The following PRKN variants were observed in gnomAD, a reference collection of about 807,000 sequenced individuals.
PRKN encodes the protein parkin RBR E3 ubiquitin protein ligase, also known as E3 ubiquitin-protein ligase parkin.
A neutral mutation model predicts 59.5 loss-of-function variants in PRKN; 56 were observed. That is an observed-to-expected ratio of 0.94 (90% CI 0.76 to 1.18). PRKN has a LOEUF of 1.18. Ranked by LOEUF, PRKN falls within the 50% of genes most tolerant of loss-of-function variation. PRKN has a pLI of 0.00. For synonymous variants in PRKN, 250 were observed against 222.1 expected (o/e 1.13, Z -1.12); for missense variants, 657 against 596.4 (o/e 1.10, Z -1.06).
At chr6:161,950,373 T>C (rs1470111196) in intron 6 of PRKN, among the ~76,000 whole-genome samples, 1 of 152,086 alleles carries the variant, frequency 6.6e-6, no homozygotes, top group Non-Finnish European at 1.5e-5. Context: ...GACGAAATCC[T>C]GTCTCTACAA....
At chr6:162,035,175 A>G (rs1439350636) in intron 5 of PRKN, among the ~76,000 whole-genome samples, 1 of 151,900 alleles carries the variant, frequency 6.6e-6, no homozygotes. Flanking sequence ...ATATATATAT[A>G]TATAGAGAGA....
chr6:161,947,175 C>A (rs1317920385), intron 6 of PRKN, among the ~76,000 whole-genome samples: 1 of 151,462 alleles, frequency 6.6e-6, no homozygotes, highest in Non-Finnish European at 1.5e-5. Flanking sequence ...ATGTACATAC[C>A]TTTATAGATA....
intron 6 of PRKN, among the ~76,000 whole-genome samples, chr6:161,789,163 A>G (rs1790541795): frequency 6.6e-6 from 1 of 152,214 alleles, no homozygotes; most frequent in Admixed American, 6.5e-5. Flanking sequence ...CATGACACCA[A>G]TAAAAAGTTA....
chr6:161,986,451 ACTCTGTTCT>A (rs1781438861), intron 5 of PRKN, among the ~76,000 whole-genome samples: 1 of 148,146 alleles, frequency 6.8e-6, no homozygotes, highest in South Asian at 2.1e-4. Flanking sequence ...TAAGTAATTC[ACTCTGTTCT>A]CTCCCTGCTC....
intron 9 of PRKN, among the ~76,000 whole-genome samples, chr6:161,422,690 G>T (rs1294482223): frequency 1.3e-5 from 2 of 152,034 alleles, no homozygotes; most frequent in Admixed American, 1.3e-4. Context: ...AAATAGGAAG[G>T]AAAAATAGAG....
At chr6:161,723,654 A>G (rs927896848) in intron 7 of PRKN, among the ~76,000 whole-genome samples, 2 of 152,216 alleles carry the variant, frequency 1.3e-5, no homozygotes, top group Non-Finnish European at 2.9e-5. Flanking sequence ...GGCCTGCACA[A>G]AAATGAGTCT....
At chr6:162,692,509 G>A (rs1340787313) in intron 1 of PRKN, among the ~76,000 whole-genome samples, 1 of 152,098 alleles carries the variant, frequency 6.6e-6, no homozygotes, top group South Asian at 2.1e-4. Flanking sequence ...TTGACTACAG[G>A]AGGGGCTGCA....
intron 1 of PRKN, among the ~76,000 whole-genome samples, chr6:162,591,747 A>C (rs1335296696): frequency 6.6e-6 from 1 of 152,196 alleles, no homozygotes; most frequent in African/African-American, 2.4e-5. Context: ...TTCTACAATG[A>C]AGGATAACAA....
rs571359182 is a variant in PRKN, at chr6:161,497,319, C to T, written c.1083+51535G>A. Among the ~76,000 whole-genome samples, 2 of 152,154 alleles carry T rather than the reference C, an allele frequency of 1.3e-5. No individual in the cohort carries two copies. The highest frequency in any genetic ancestry group is 6.5e-5 in the Admixed American group (1 of 15,274). On this transcript the variant is annotated intron_variant, in intron 9 of 11. Coordinates refer to ENST00000366898, the MANE Select transcript of PRKN (RefSeq NM_004562.3). The surrounding 1 kb of genome is among the most constrained non-coding windows in gnomAD (Gnocchi z 4.6). ...AGTGGAGGACAGGGTGTCCCCACTA[C>T]AGGAAGAAAGAGAGACATCATCATT... is the stretch of plus-strand genomic sequence containing the variant.
chr6:162,346,785 T>C (rs1784421974), intron 2 of PRKN, among the ~76,000 whole-genome samples: 1 of 152,186 alleles, frequency 6.6e-6, no homozygotes, highest in Non-Finnish European at 1.5e-5. Flanking sequence ...TTATTGATTA[T>C]TTATGTTTAC....
intron 6 of PRKN, among the ~76,000 whole-genome samples, chr6:161,873,408 A>G (rs1794424389): frequency 6.6e-6 from 1 of 152,078 alleles, no homozygotes; most frequent in South Asian, 2.1e-4. Flanking sequence ...GTCACGAGAC[A>G]GAAGAGGAGG....
intron 5 of PRKN, among the ~76,000 whole-genome samples, chr6:162,012,271 C>T (rs1367581272): frequency 2.6e-5 from 4 of 152,028 alleles, no homozygotes; most frequent in Non-Finnish European, 5.9e-5. Context: ...TTCATCCAGC[C>T]TCCTCAAATA....
rs371979681 is a variant in PRKN at position 161,409,967 on chromosome 6, G to C, written c.1084-23090C>G. 6.6e-6 allele frequency among the ~76,000 whole-genome samples: 1 copy of C among 152,294 alleles called. No homozygotes were observed. Among genetic ancestry groups the C allele is most frequent in the South Asian group, 2.1e-4 (1 of 4,814 alleles). ...TTTCAGGGAGTATTTGAAACAGGAA[G>C]ATTAAATTCTGTCTCATGTGTATCA... On this transcript the variant is annotated intron_variant, in intron 9 of 11. Coordinates refer to ENST00000366898, the MANE Select transcript of PRKN (RefSeq NM_004562.3). This position sits in a 1 kb window ranked among gnomAD's most constrained non-coding sequence, Gnocchi z 4.6.
At position 161,371,417 on chromosome 6, in the gene PRKN, C is replaced by T. The variant is rs1165318003; in HGVS notation, c.1168-11212G>A. Among the ~76,000 whole-genome samples the T allele has an allele frequency of 1.3e-5, 2 of 151,800 alleles. No individual in the cohort carries two copies. Among genetic ancestry groups the T allele is most frequent in the Non-Finnish European group, 2.9e-5 (2 of 67,974 alleles). ...TGACCTCAGGTGATCTGCCCGCCTC[C>T]GTCTCCCAAAGTGCTTGGATTACAG... On this transcript the variant is annotated intron_variant, in intron 10 of 11. Transcript: ENST00000366898. This position sits in a 1 kb window ranked among gnomAD's most constrained non-coding sequence, Gnocchi z 5.5.
In PRKN at chr6:162,435,104, A is replaced by C. The variant is rs550454721; in HGVS notation, c.171+8206T>G. ...AATATCTGAAACTAGGACTTCAGTGAACAGTAACACAGTTTCAGTATGGCA... is the reference window on the plus strand; with the variant it reads ...AATATCTGAAACTAGGACTTCAGTGCACAGTAACACAGTTTCAGTATGGCA... On this transcript the variant is annotated intron_variant, in intron 2 of 11. Transcript: ENST00000366898. Among the ~76,000 whole-genome samples, 914 of 152,292 alleles carry C rather than the reference A, an allele frequency of 6.0e-3. 12 individuals are homozygous for C. The highest frequency in any genetic ancestry group is 0.021 in the African/African-American group (874 of 41,566).
intron 1 of PRKN, among the ~76,000 whole-genome samples, chr6:162,462,038 A>G (rs1791203270): frequency 6.6e-6 from 1 of 152,156 alleles, no homozygotes; most frequent in South Asian, 2.1e-4. Context: ...TGAGGTTGTC[A>G]GTATTATAGG....
At chr6:162,226,210 A>C (rs1396270256) in intron 3 of PRKN, among the ~76,000 whole-genome samples, 4 of 152,016 alleles carry the variant, frequency 2.6e-5, no homozygotes, top group Non-Finnish European at 5.9e-5. Flanking sequence ...GCAGAAAAAT[A>C]AGAATCAGGG....
intron 7 of PRKN, among the ~76,000 whole-genome samples, chr6:161,611,983 G>A (rs1366176293): frequency 6.6e-6 from 1 of 152,184 alleles, no homozygotes. Flanking sequence ...CTGGATAGGA[G>A]ATTAAACCAA....
intron 7 of PRKN, among the ~76,000 whole-genome samples, chr6:161,781,982 C>T (rs892026980): frequency 2.0e-5 from 3 of 152,262 alleles, no homozygotes; most frequent in Non-Finnish European, 2.9e-5. Context: ...GCATGGAAAG[C>T]GCACCACTAC....
Sources: allele counts gnomAD v4.1 joint callset (sites outside exome capture counted in the v4.1 genomes callset), GRCh38; gene constraint gnomAD v4.1.1; non-coding constraint Gnocchi (gnomAD v3.1); transcripts MANE v1.5; gene names NCBI Gene and HGNC (gene_info 2026-07-23, HGNC 2026-07-21).